The following PCDHGA8 variants were observed in gnomAD, a reference collection of about 807,000 sequenced individuals.
PCDHGA8 encodes the protein protocadherin gamma-A8.
In PCDHGA8, 45 loss-of-function variants were observed where a neutral mutation model predicts 59.2. That is an observed-to-expected ratio of 0.76 (90% CI 0.60 to 0.98). The LOEUF is 0.98. Among genes scored for constraint, PCDHGA8 ranks in the 50% least tolerant of loss-of-function variants. The probability of loss-of-function intolerance (pLI) is 0.00; values close to 1 mark genes in which losing one functional copy is unlikely to be tolerated. For synonymous variants in PCDHGA8, 531 were observed against 519.0 expected, an observed-to-expected ratio of 1.02 and a Z score of -0.32; for missense variants, 1,257 against 1,196.2, an observed-to-expected ratio of 1.05 and a Z score of -0.75.
In PCDHGA8 at chr5:141,477,772, C is replaced by G. The variant is rs760319541; in HGVS notation, c.2425-17035C>G. The G allele has an allele frequency of 1.5e-5, 25 of 1,613,908 alleles. No homozygotes were observed. Among genetic ancestry groups the G allele is most frequent in the Non-Finnish European group, 2.1e-5 (25 of 1,180,042 alleles). On this transcript the variant is annotated intron_variant, in intron 1 of 3. Coordinates refer to ENST00000398604, the MANE Select transcript of PCDHGA8 (RefSeq NM_032088.2). This position sits in a 1 kb window ranked among gnomAD's most constrained non-coding sequence, Gnocchi z 4.9. Reference sequence around the variant, plus strand: ...CCCCGGTCCTAGCCACCAACATCAGCGTGAACATATTTGTCACTGATCGCA... The same window carrying G: ...CCCCGGTCCTAGCCACCAACATCAGGGTGAACATATTTGTCACTGATCGCA...
intron 1 of PCDHGA8, chr5:141,415,740 G>GTGT: frequency 1.6e-6 from 1 of 617,992 alleles, no homozygotes; most frequent in Non-Finnish European, 2.1e-6. Context: ...GTTTATTAAG[G>GTGT]TTTTTTTTTT....
In PCDHGA8 at chr5:141,486,581, C is replaced by T; in HGVS notation, c.2425-8226C>T. 1 of 1,613,764 alleles carries T rather than the reference C, an allele frequency of 6.2e-7. No individual in the cohort carries two copies. The highest frequency in any genetic ancestry group is 1.1e-5 in the South Asian group (1 of 91,082). On this transcript the variant is annotated intron_variant, in intron 1 of 3. Coordinates refer to ENST00000398604, the MANE Select transcript of PCDHGA8 (RefSeq NM_032088.2). This position sits in a 1 kb window ranked among gnomAD's most constrained non-coding sequence, Gnocchi z 5.0. ...GGTGTTTGTTCCTGAGAACAATCGC[C>T]CAGGGGACCTGCTTTGCTCCCTTGC... is the stretch of plus-strand genomic sequence containing the variant.
At position 141,485,162 on chromosome 5, in the gene PCDHGA8, C is replaced by A. The variant is rs759021453; in HGVS notation, c.2425-9645C>A. The A allele has an allele frequency of 8.7e-6, 14 of 1,602,188 alleles. No individual in the cohort carries two copies. The Admixed American group carries it at 2.0e-4, about 23-fold the overall frequency. ...GTCTCAGGAGCAAGTAGAGAATTAGCGGGCGGCAGCAATGCTCCGCAAGGT... is the reference window on the plus strand; with the variant it reads ...GTCTCAGGAGCAAGTAGAGAATTAGAGGGCGGCAGCAATGCTCCGCAAGGT... On this transcript the variant is annotated intron_variant, in intron 1 of 3. Transcript: ENST00000398604. The surrounding 1 kb of genome is among the most constrained non-coding windows in gnomAD (Gnocchi z 5.7).
At chr5:141,404,912 C>T (rs761969782) in intron 1 of PCDHGA8, 31 of 1,613,946 alleles carry the variant, frequency 1.9e-5, no homozygotes, top group Non-Finnish European at 2.5e-5. Flanking sequence ...CCAGCCCCCT[C>T]TCTCGGCCAC....
intron 1 of PCDHGA8, among the ~76,000 whole-genome samples, chr5:141,459,838 A>G (rs944807247): frequency 6.6e-6 from 1 of 152,098 alleles, no homozygotes; most frequent in Non-Finnish European, 1.5e-5. Flanking sequence ...TGTGTTGTCT[A>G]TTTGTATATC....
In PCDHGA8 at chr5:141,432,452, C is replaced by T. The variant is rs780149710; in HGVS notation, c.2424+37215C>T. 3.7e-6 allele frequency: 6 copies of T among 1,614,094 alleles called. No homozygotes were observed. The highest frequency in any genetic ancestry group is 1.6e-4 in the Middle Eastern group (1 of 6,082). On this transcript the variant is annotated intron_variant, in intron 1 of 3. Coordinates refer to ENST00000398604, the MANE Select transcript of PCDHGA8 (RefSeq NM_032088.2). The surrounding 1 kb of genome is among the most constrained non-coding windows in gnomAD (Gnocchi z 6.0). ...CGACAATGCGCCCGAGATCCTGTACCCCGCCCTCCCCACGGACGGTTCCAC... is the reference window on the plus strand; with the variant it reads ...CGACAATGCGCCCGAGATCCTGTACTCCGCCCTCCCCACGGACGGTTCCAC...
chr5:141,394,034 G>T lies in PCDHGA8; in HGVS notation c.1221G>T (p.Arg407Ser). ...SIGNYYRLVT[R>S]KYLDRENVSI... is the part of the protein sequence containing the mutation. ...GTAATTATTATAGATTAGTGACAAG[G>T]AAATATTTGGACCGAGAAAATGTCT... The change falls in exon 1 of 4, where the codon AGG becomes AGT. Residue 407 changes from arginine to serine, a missense_variant. By Grantham distance (110) the Arg-to-Ser change is moderately radical. Coordinates refer to ENST00000398604, the MANE Select transcript of PCDHGA8 (RefSeq NM_032088.2). The T allele has an allele frequency of 6.2e-7, 1 of 1,613,540 alleles. No homozygotes were observed. The highest frequency in any genetic ancestry group is 8.5e-7 in the Non-Finnish European group (1 of 1,179,680).
intron 1 of PCDHGA8, chr5:141,400,610 T>C (rs1561677991): frequency 3.2e-6 from 5 of 1,573,090 alleles, no homozygotes; most frequent in Non-Finnish European, 4.4e-6. Flanking sequence ...TCAAGTCCAA[T>C]GAGTTGTCTT....
intron 1 of PCDHGA8, among the ~76,000 whole-genome samples, chr5:141,458,215 T>C (rs2098940075): frequency 1.3e-5 from 2 of 152,174 alleles, no homozygotes; most frequent in African/African-American, 2.4e-5. Context: ...TTAAAATAAG[T>C]TTCCTTTCCC....
At chr5:141,401,626 C>G (rs1476531463) in intron 1 of PCDHGA8, among the ~76,000 whole-genome samples, 1 of 152,174 alleles carries the variant, frequency 6.6e-6, no homozygotes, top group Non-Finnish European at 1.5e-5. Flanking sequence ...TTTGTCTTAT[C>G]GTTTGGAGCT....
chr5:141,404,722 G>C (rs1335640902), intron 1 of PCDHGA8: 2 of 1,614,138 alleles, frequency 1.2e-6, no homozygotes, highest in South Asian at 1.1e-5. Flanking sequence ...TGGTGACCAA[G>C]GTGGTGGCAG....
intron 1 of PCDHGA8, among the ~76,000 whole-genome samples, chr5:141,438,705 G>A (rs555160868): frequency 2.0e-4 from 29 of 145,842 alleles, no homozygotes; most frequent in African/African-American, 7.1e-4. Flanking sequence ...CTGTCACCCA[G>A]GCTGGAGTGC....
chr5:141,417,869 A>C, intron 1 of PCDHGA8: 2 of 1,553,552 alleles, frequency 1.3e-6, no homozygotes, highest in South Asian at 2.4e-5. Context: ...GATGGGAGGG[A>C]GCTGCGCGCA....
In PCDHGA8 at chr5:141,476,875, C is replaced by T; in HGVS notation, c.2425-17932C>T. On this transcript the variant is annotated intron_variant, in intron 1 of 3. Coordinates refer to ENST00000398604, the MANE Select transcript of PCDHGA8 (RefSeq NM_032088.2). The surrounding 1 kb of genome is among the most constrained non-coding windows in gnomAD (Gnocchi z 7.6). ...ACCAGTCCTTGTACCGGGCGCGCGT[C>T]CTGGAGGATGCACCCTCCGGCACGC... 2 of 1,613,928 alleles carry T rather than the reference C, an allele frequency of 1.2e-6. No homozygotes were observed. Among genetic ancestry groups the T allele is most frequent in the Non-Finnish European group, 1.7e-6 (2 of 1,180,044 alleles).
intron 1 of PCDHGA8, chr5:141,399,825 C>T (rs1439243162): frequency 1.9e-6 from 3 of 1,613,178 alleles, no homozygotes; most frequent in Non-Finnish European, 2.5e-6. Flanking sequence ...TGGGTCCCGA[C>T]GGCTCTGCGC....
intron 1 of PCDHGA8, chr5:141,417,735 C>T (rs1408012587): frequency 1.4e-6 from 2 of 1,398,382 alleles, no homozygotes; most frequent in African/African-American, 2.9e-5. Flanking sequence ...CCTTGCCCAG[C>T]ACACCAGATT....
Position 141,431,451 on chromosome 5 carries a change from T to C in PCDHGA8, c.2424+36214T>C. On this transcript the variant is annotated intron_variant, in intron 1 of 3. Transcript: ENST00000398604. The surrounding 1 kb of genome is among the most constrained non-coding windows in gnomAD (Gnocchi z 4.8). ...ACAGGCACCGCGCGCATCCGCGTGA[T>C]GGTTCTGGATGCGAACGACAACGCA... The C allele has an allele frequency of 6.2e-7, 1 of 1,613,762 alleles. No individual in the cohort carries two copies. Among genetic ancestry groups the C allele is most frequent in the African/African-American group, 1.3e-5 (1 of 75,072 alleles).
intron 1 of PCDHGA8, chr5:141,441,799 G>C (rs546770596): frequency 2.6e-6 from 1 of 385,350 alleles, no homozygotes; most frequent in Non-Finnish European, 5.2e-6. Context: ...AACGCACCGC[G>C]GGTGCTGTAC....
chr5:141,423,552 C>A, intron 1 of PCDHGA8: 2 of 1,613,720 alleles, frequency 1.2e-6, no homozygotes, highest in Non-Finnish European at 1.7e-6. Context: ...CCCAGCCCAA[C>A]TATGGGGACA....
Sources: gnomAD v4.1 joint callset for allele counts (sites outside exome capture counted in the v4.1 genomes callset) on GRCh38, gnomAD v4.1.1 for gene constraint, Gnocchi (gnomAD v3.1) non-coding constraint, MANE v1.5 for transcripts, NCBI Gene and HGNC (gene_info 2026-07-23, HGNC 2026-07-21) for gene names.